Variants in THRAP3 observed in about 807,000 individuals in gnomAD.
The protein encoded by THRAP3 is thyroid hormone receptor associated protein 3.
THRAP3 carries 16 observed loss-of-function variants against 101.0 expected under a neutral mutation model. The ratio of observed to expected loss-of-function variants is 0.16; its 90% CI spans 0.11 to 0.24. THRAP3 has a LOEUF of 0.24. Among genes scored for constraint, THRAP3 ranks in the 10% least tolerant of loss-of-function variants. THRAP3 has a pLI of 1.00. For synonymous variants in THRAP3, 407 were observed against 422.6 expected (o/e 0.96, Z 0.45); for missense variants, 989 against 1,202.7 (o/e 0.82, Z 2.63).
At chr1:36,258,440 T>G (rs1233011135) in intron 1 of THRAP3, among the ~76,000 whole-genome samples, 1 of 152,208 alleles carries the variant, frequency 6.6e-6, no homozygotes, top group Admixed American at 6.5e-5. Flanking sequence ...ATCTGAATAC[T>G]AAGCCTCATC....
upstream of THRAP3, among the ~76,000 whole-genome samples, chr1:36,220,964 A>G (rs1366226594): frequency 3.7e-5 from 5 of 134,344 alleles, no homozygotes; most frequent in Non-Finnish European, 6.2e-5. Flanking sequence ...AAAAAAAAAA[A>G]AAAAAAAAAT....
chr1:36,230,386 A>G (rs1645014855), intron 1 of THRAP3, among the ~76,000 whole-genome samples: 2 of 150,378 alleles, frequency 1.3e-5, no homozygotes, highest in Non-Finnish European at 3.0e-5. Flanking sequence ...CCAAAGTGCT[A>G]GGATTACAGG....
rs371905760 is a variant in THRAP3, at chr1:36,251,602, A to T, written c.-134-7780A>T. Among the ~76,000 whole-genome samples, 7 of 152,214 alleles carry T rather than the reference A, an allele frequency of 4.6e-5. No homozygotes were observed. The East Asian group carries it at 1.2e-3, about 25-fold the overall frequency. ...GTTTTCAAGATGGAATTAGTGTCTT[A>T]TGTTCCGAGTTTGCTATAAAGCTAA... On this transcript the variant is annotated intron_variant, in intron 1 of 11. Transcript: ENST00000354618.
At chr1:36,264,070 G>GT (rs2124507262) in intron 2 of THRAP3, among the ~76,000 whole-genome samples, 1 of 152,240 alleles carries the variant, frequency 6.6e-6, no homozygotes, top group African/African-American at 2.4e-5. Context: ...TTGTTTGTTT[G>GT]TTTTTTTGAG....
chr1:36,209,038 G>A, the THRAP3 span, among the ~76,000 whole-genome samples: 1 of 139,708 alleles, frequency 7.2e-6, no homozygotes, highest in South Asian at 2.3e-4. Context: ...GTGCAGTGAT[G>A]GAATCGTGGC....
chr1:36,256,189 A>ATTG (rs985120153), intron 1 of THRAP3, among the ~76,000 whole-genome samples: 3 of 14,288 alleles, frequency 2.1e-4, no homozygotes, highest in Non-Finnish European at 4.5e-4. Flanking sequence ...GCCTGCCTGG[A>ATTG]TTATTATTAT....
intron 2 of THRAP3, among the ~76,000 whole-genome samples, chr1:36,265,191 C>T (rs1243991210): frequency 1.3e-5 from 2 of 152,180 alleles, no homozygotes; most frequent in African/African-American, 2.4e-5. Flanking sequence ...TAACATCTTA[C>T]ATTAGTATGG....
At chr1:36,245,045 C>A (rs1461150428) in intron 1 of THRAP3, among the ~76,000 whole-genome samples, 1 of 151,708 alleles carries the variant, frequency 6.6e-6, no homozygotes, top group Non-Finnish European at 1.5e-5. Flanking sequence ...ACTAAGTCTT[C>A]CTCCTGAAAA....
At chr1:36,217,762 T>C in the THRAP3 span, among the ~76,000 whole-genome samples, 1 of 152,188 alleles carries the variant, frequency 6.6e-6, no homozygotes, top group African/African-American at 2.4e-5. Context: ...TGCCACATAC[T>C]GCACCCATAT....
At chr1:36,292,047 T>A (rs931188623) in intron 6 of THRAP3, among the ~76,000 whole-genome samples, 1 of 152,006 alleles carries the variant, frequency 6.6e-6, no homozygotes, top group Admixed American at 6.6e-5. Flanking sequence ...CTGAGGAGAA[T>A]AAGCTTCAAG....
chr1:36,300,827 C>T lies in THRAP3; in HGVS notation c.2304-59C>T, dbSNP rs1646021966. The stretch of plus-strand genomic sequence containing the variant: ...TGCCCTGTGCTTATCCATGAGGCCC[C>T]AGCCAAGCAGTGTCCCTTAGAAAGA... On this transcript the variant is annotated intron_variant, in intron 9 of 11. Coordinates refer to ENST00000354618, the MANE Select transcript of THRAP3 (RefSeq NM_005119.4). 5 of 1,567,716 alleles carry T rather than the reference C, an allele frequency of 3.2e-6. No individual in the cohort carries two copies. The South Asian group carries it at 3.4e-5, about 11-fold the overall frequency.
intron 7 of THRAP3, among the ~76,000 whole-genome samples, chr1:36,293,309 G>A (rs1352810574): frequency 2.0e-5 from 3 of 152,148 alleles, no homozygotes; most frequent in Non-Finnish European, 4.4e-5. Flanking sequence ...GATTACAGGC[G>A]TGAGCCACTG....
At chr1:36,302,688 G>C (rs532368249) in intron 11 of THRAP3, among the ~76,000 whole-genome samples, 1 of 152,246 alleles carries the variant, frequency 6.6e-6, no homozygotes, top group East Asian at 1.9e-4. Context: ...TTTGTGGGGG[G>C]GTGGTTTAGA....
Position 36,304,421 on chromosome 1 carries a change from CT to C in THRAP3, c.*405del, listed in dbSNP as rs1279900794. 1.7e-5 allele frequency: 4 copies of C among 230,142 alleles called. No individual in the cohort carries two copies. Among genetic ancestry groups the C allele is most frequent in the Non-Finnish European group, 2.5e-5 (3 of 118,386 alleles). 14.3% of individuals were successfully genotyped at this position (230,142 alleles called of 1,614,324 possible). On this transcript the variant is annotated 3_prime_UTR_variant, in exon 12 of 12. Transcript: ENST00000354618. ...TTGATGATTTTCGATCTCTTTTCCC[CT>C]GTCCTGATTTTAAAAGCCCCCTCCT...
At chr1:36,287,560 A>C in intron 4 of THRAP3, 1 of 985,466 alleles carries the variant, frequency 1.0e-6, no homozygotes, top group Non-Finnish European at 1.2e-6. Flanking sequence ...GCCAAAGAAC[A>C]GTAGAGATTT....
chr1:36,254,826 A>T (rs1645352706), intron 1 of THRAP3, among the ~76,000 whole-genome samples: 1 of 152,224 alleles, frequency 6.6e-6, no homozygotes, highest in Non-Finnish European at 1.5e-5. Context: ...TTCTTAGCTC[A>T]TGGATGGTAC....
the THRAP3 span, among the ~76,000 whole-genome samples, chr1:36,219,259 A>G: frequency 1.3e-5 from 2 of 152,126 alleles, no homozygotes; most frequent in Middle Eastern, 3.2e-3. Context: ...AAAAGTTTCA[A>G]GCTACCAGAG....
intron 1 of THRAP3, among the ~76,000 whole-genome samples, chr1:36,226,063 G>A (rs1452123829): frequency 1.3e-5 from 2 of 152,130 alleles, no homozygotes; most frequent in African/African-American, 2.4e-5. Flanking sequence ...GGTAGTAGTA[G>A]TACCACCTTA....
intron 1 of THRAP3, among the ~76,000 whole-genome samples, chr1:36,229,966 T>G (rs1294250079): frequency 4.1e-5 from 6 of 145,902 alleles, no homozygotes; most frequent in Admixed American, 6.9e-5. Context: ...TTTTTTTTTT[T>G]TTTTTTGAGA....
Sources: allele counts gnomAD v4.1 joint callset (sites outside exome capture counted in the v4.1 genomes callset), GRCh38; gene constraint gnomAD v4.1.1; transcripts MANE v1.5; gene names NCBI Gene and HGNC (gene_info 2026-07-23, HGNC 2026-07-21).